The following ADGRL2 variants were observed in gnomAD, a reference collection of about 807,000 sequenced individuals.
The protein encoded by ADGRL2 is calcium-independent alpha-latrotoxin receptor 2.
In ADGRL2, 44 loss-of-function variants were observed where a neutral mutation model predicts 157.4. That is an observed-to-expected ratio of 0.28 (90% CI 0.22 to 0.36). ADGRL2 has a LOEUF of 0.36. ADGRL2 is among the 10% of genes least tolerant of loss of function. The pLI is 1.00. For missense variants in ADGRL2, 1,510 were observed against 1,768.9 expected (o/e 0.85, Z 2.63); for synonymous variants, 585 against 624.7 (o/e 0.94, Z 0.95).
chr1:81,758,456 C>G (rs1009735126), intron 1 of ADGRL2, among the ~76,000 whole-genome samples: 1 of 152,172 alleles, frequency 6.6e-6, no homozygotes, highest in African/African-American at 2.4e-5. Flanking sequence ...TTTTAGATAA[C>G]TTCACTAAGA....
At chr1:81,960,850 C>T (rs1166697919) in intron 11 of ADGRL2, among the ~76,000 whole-genome samples, 1 of 152,160 alleles carries the variant, frequency 6.6e-6, no homozygotes, top group East Asian at 1.9e-4. Context: ...GTAACAAAAA[C>T]CCCAAAGTCA....
chr1:81,391,803 G>T (rs1016125175), intron 1 of ADGRL2, among the ~76,000 whole-genome samples: 3 of 152,118 alleles, frequency 2.0e-5, no homozygotes, highest in Non-Finnish European at 4.4e-5. Flanking sequence ...AATAAGAAAT[G>T]GAGGCTATCT....
chr1:81,609,521 T>TC (rs1363260309), intron 3 of ADGRL2, among the ~76,000 whole-genome samples: 1 of 152,070 alleles, frequency 6.6e-6, no homozygotes, highest in East Asian at 1.9e-4. Flanking sequence ...CACAACAAAT[T>TC]CTGCCACACA....
intron 1 of ADGRL2, chr1:81,722,356 T>C (rs2084360520): frequency 2.7e-6 from 2 of 728,928 alleles, no homozygotes; most frequent in Non-Finnish European, 5.0e-6. Context: ...AGAAAGTGGT[T>C]GCTATTGAAG....
chr1:81,517,641 C>T (rs918594688), intron 2 of ADGRL2, among the ~76,000 whole-genome samples: 1 of 152,082 alleles, frequency 6.6e-6, no homozygotes, highest in Non-Finnish European at 1.5e-5. Flanking sequence ...AGAGGAAGCA[C>T]CCAGGTGAGA....
intron 21 of ADGRL2, 35 bp from the exon 22 acceptor site, chr1:81,986,864 TTC>T: frequency 6.3e-7 from 1 of 1,585,806 alleles, no homozygotes; most frequent in Non-Finnish European, 8.6e-7. Context: ...TGATGTACTT[TTC>T]TCTGTTTTTT....
intron 2 of ADGRL2, among the ~76,000 whole-genome samples, chr1:81,844,869 C>T (rs965685428): frequency 6.6e-6 from 1 of 152,016 alleles, no homozygotes; most frequent in African/African-American, 2.4e-5. Context: ...TTATGTCTGC[C>T]ATAATTCTTG....
At chr1:81,860,808 A>G (rs2150764297) in intron 2 of ADGRL2, among the ~76,000 whole-genome samples, 1 of 152,302 alleles carries the variant, frequency 6.6e-6, no homozygotes, top group East Asian at 1.9e-4. Context: ...CTATAGGAGA[A>G]TATTTGCTTC....
intron 3 of ADGRL2, among the ~76,000 whole-genome samples, chr1:81,658,356 A>G (rs1350333228): frequency 1.3e-5 from 2 of 152,074 alleles, no homozygotes; most frequent in African/African-American, 2.4e-5. Context: ...CGGCCTCCCA[A>G]AGTGTTGGGA....
rs965766979 is a variant in ADGRL2, at chr1:81,502,206, C to G, written c.-248+57117C>G. On this transcript the variant is annotated intron_variant, in intron 2 of 24. Transcript: ENST00000370721. ...GTGGCACCCATGTCCAATCTACTTC[C>G]AGCACCAGGGCTCCCACCACATGGA... 1.9e-6 allele frequency: 3 copies of G among 1,599,694 alleles called. No individual in the cohort carries two copies. The East Asian group carries it at 6.8e-5, about 36-fold the overall frequency.
At chr1:81,862,148 A>G (rs2093410593) in intron 2 of ADGRL2, among the ~76,000 whole-genome samples, 1 of 152,186 alleles carries the variant, frequency 6.6e-6, no homozygotes, top group Non-Finnish European at 1.5e-5. Flanking sequence ...GTAAAATGTC[A>G]GATTATAATG....
chr1:81,973,276 G>A (rs1325770472), intron 17 of ADGRL2, among the ~76,000 whole-genome samples: 2 of 152,246 alleles, frequency 1.3e-5, no homozygotes, highest in Admixed American at 1.3e-4. Context: ...TTTCTCATCA[G>A]AATTATTAAA....
At chr1:81,347,903 T>C (rs1188503637) in intron 1 of ADGRL2, among the ~76,000 whole-genome samples, 1 of 152,190 alleles carries the variant, frequency 6.6e-6, no homozygotes, top group African/African-American at 2.4e-5. Context: ...TCTTGGATTC[T>C]ACAGGCCTTA....
At chr1:81,311,312 C>T (rs964197898) in intron 1 of ADGRL2, among the ~76,000 whole-genome samples, 1 of 152,134 alleles carries the variant, frequency 6.6e-6, no homozygotes, top group Non-Finnish European at 1.5e-5. Flanking sequence ...AAAAATTAAT[C>T]AAGTGCCCTT....
At chr1:81,569,464 C>T (rs1248521580) in intron 2 of ADGRL2, among the ~76,000 whole-genome samples, 1 of 152,162 alleles carries the variant, frequency 6.6e-6, no homozygotes, top group Non-Finnish European at 1.5e-5. Flanking sequence ...TAAGGGATGG[C>T]TTAGTTTGTT....
chr1:81,933,384 C>G (rs534577468), intron 3 of ADGRL2, among the ~76,000 whole-genome samples: 4 of 152,208 alleles, frequency 2.6e-5, no homozygotes, highest in East Asian at 1.9e-4. Flanking sequence ...AACAATGATA[C>G]CTTTATTGGT....
intron 2 of ADGRL2, among the ~76,000 whole-genome samples, chr1:81,896,556 A>G (rs962962176): frequency 6.6e-6 from 1 of 152,144 alleles, no homozygotes; most frequent in African/African-American, 2.4e-5. Context: ...TTAAATTTAT[A>G]AACTCAAAAC....
Position 81,350,365 on chromosome 1 carries a change from T to C in ADGRL2, c.-302+43856T>C, listed in dbSNP as rs550895501. ...TAACACTGTAGAGTGAGGTTTATGATTGACACAATGAACATTTGTAAAAGA... is the reference window on the plus strand; with the variant it reads ...TAACACTGTAGAGTGAGGTTTATGACTGACACAATGAACATTTGTAAAAGA... On this transcript the variant is annotated intron_variant, in intron 1 of 24. Coordinates refer to the ADGRL2 transcript ENST00000370721. Among the ~76,000 whole-genome samples the C allele has an allele frequency of 6.6e-5, 10 of 152,350 alleles. No individual in the cohort carries two copies. In the East Asian group the frequency reaches 9.6e-4, roughly 15 times the overall value.
intron 1 of ADGRL2, among the ~76,000 whole-genome samples, chr1:81,816,379 T>G (rs908153477): frequency 4.6e-5 from 7 of 151,856 alleles, no homozygotes; most frequent in African/African-American, 1.7e-4. Context: ...AAGAATACTT[T>G]TTATTTTGTA....
Sources: gnomAD v4.1 joint callset for allele counts (sites outside exome capture counted in the v4.1 genomes callset) on GRCh38, gnomAD v4.1.1 for gene constraint, MANE v1.5 for transcripts, NCBI Gene and HGNC (gene_info 2026-07-23, HGNC 2026-07-21) for gene names.